Variants in VWC2L observed in about 807,000 individuals in gnomAD.
The protein encoded by VWC2L is von Willebrand factor C domain containing 2 like.
A neutral mutation model predicts 21.6 loss-of-function variants in VWC2L; 10 were observed. The observed-to-expected ratio is 0.46, with a 90% CI of 0.29 to 0.78. The LOEUF (loss-of-function observed/expected upper bound fraction) is 0.78, where lower values mean the gene tolerates loss of function less well. VWC2L is among the 30% of genes least tolerant of loss of function. The pLI is 0.10. For synonymous variants in VWC2L, 96 were observed against 94.3 expected, an observed-to-expected ratio of 1.02 and a Z score of -0.10; for missense variants, 209 against 277.1, an observed-to-expected ratio of 0.75 and a Z score of 1.74.
intron 3 of VWC2L, among the ~76,000 whole-genome samples, chr2:214,481,007 A>T (rs1020307954): frequency 6.6e-6 from 1 of 152,162 alleles, no homozygotes; most frequent in African/African-American, 2.4e-5. Flanking sequence ...ACTGAGCTAA[A>T]GTACTGAGCT....
intron 3 of VWC2L, among the ~76,000 whole-genome samples, chr2:214,444,166 G>A (rs1702803632): frequency 6.6e-6 from 1 of 152,068 alleles, no homozygotes; most frequent in Non-Finnish European, 1.5e-5. Flanking sequence ...CAATGAAGTT[G>A]TACTTCAAAT....
chr2:214,424,300 T>C (rs1399652310), intron 2 of VWC2L, among the ~76,000 whole-genome samples: 3 of 152,192 alleles, frequency 2.0e-5, no homozygotes, highest in Admixed American at 6.5e-5. Flanking sequence ...TGAGAAATGA[T>C]GCATCCTTTA....
chr2:214,555,884 C>T (rs1205503292), intron 3 of VWC2L, among the ~76,000 whole-genome samples: 3 of 152,174 alleles, frequency 2.0e-5, no homozygotes, highest in Non-Finnish European at 4.4e-5. Flanking sequence ...CTCAATCATT[C>T]TCCTACTTGG....
At chr2:214,414,690 C>A in intron 2 of VWC2L, 107 bp downstream of exon 2, 1 of 1,254,974 alleles carries the variant, frequency 8.0e-7, no homozygotes, top group South Asian at 1.5e-5. Context: ...TAAAATTTCC[C>A]TTTAAATTAT....
intron 3 of VWC2L, among the ~76,000 whole-genome samples, chr2:214,506,815 A>G (rs1688973675): frequency 6.6e-6 from 1 of 152,172 alleles, no homozygotes; most frequent in African/African-American, 2.4e-5. Context: ...CTGATGAAAT[A>G]AAGACTTGTG....
At position 214,464,378 on chromosome 2, in the gene VWC2L, C is replaced by T. The variant is rs147831177; in HGVS notation, c.520+27620C>T. 7.8e-4 allele frequency among the ~76,000 whole-genome samples: 118 copies of T among 152,234 alleles called. 2 individuals are homozygous for T. The East Asian group carries it at 0.018, about 23-fold the overall frequency. On this transcript the variant is annotated intron_variant, in intron 3 of 3. Transcript: ENST00000312504. ...GAGGGTACCCCAAGACCAGTAACAC[C>T]GAGACTCTTGTGGACTCATAGAGGT...
intron 3 of VWC2L, among the ~76,000 whole-genome samples, chr2:214,558,804 T>G (rs1325186574): frequency 6.8e-6 from 1 of 146,382 alleles, no homozygotes; most frequent in Non-Finnish European, 1.5e-5. Context: ...AAGTACCAAC[T>G]ATAGTTTTGT....
chr2:214,462,178 G>C (rs1353572521), intron 3 of VWC2L, among the ~76,000 whole-genome samples: 1 of 152,144 alleles, frequency 6.6e-6, no homozygotes, highest in East Asian at 1.9e-4. Context: ...GTGAAACCTA[G>C]AATGATCTTC....
chr2:214,436,421 C>A, intron 2 of VWC2L: 1 of 526,938 alleles, frequency 1.9e-6, no homozygotes, highest in South Asian at 3.0e-5. Flanking sequence ...TTTTCTTGTT[C>A]ACAGCAACCT....
intron 3 of VWC2L, among the ~76,000 whole-genome samples, chr2:214,535,490 G>A (rs1476187590): frequency 1.3e-5 from 2 of 151,286 alleles, no homozygotes; most frequent in African/African-American, 4.9e-5. Flanking sequence ...AATGTGATCT[G>A]AGCTTGGCTC....
chr2:214,479,097 T>C (rs1157573221), intron 3 of VWC2L, among the ~76,000 whole-genome samples: 3 of 152,140 alleles, frequency 2.0e-5, no homozygotes, highest in African/African-American at 4.8e-5. Context: ...TCTAATAACT[T>C]TGATCTTGCA....
intron 3 of VWC2L, among the ~76,000 whole-genome samples, chr2:214,539,383 A>C (rs1249482714): frequency 6.6e-6 from 1 of 152,162 alleles, no homozygotes; most frequent in Non-Finnish European, 1.5e-5. Context: ...ATGCAAATGC[A>C]AAATAAATGC....
chr2:214,518,363 A>G (rs1439929752), intron 3 of VWC2L, among the ~76,000 whole-genome samples: 1 of 152,236 alleles, frequency 6.6e-6, no homozygotes. Context: ...GATAATTTAT[A>G]TAAGGCACTT....
Position 214,578,537 on chromosome 2 carries a change from G to A in VWC2L, c.*2717G>A, listed in dbSNP as rs757975156. The A allele has an allele frequency of 6.6e-6, 1 of 152,164 alleles. No homozygotes were observed. Among genetic ancestry groups the A allele is most frequent in the Non-Finnish European group, 1.5e-5 (1 of 68,036 alleles). The allele number at this position is 152,164 out of a possible 1,614,324, so 9.4% of individuals were successfully genotyped here. ...ACTGACATTTTTCCCCCTTTAGGGA[G>A]AGATGAACCTATACTGTGACAATTT... On this transcript the variant is annotated 3_prime_UTR_variant, in exon 4 of 4. Coordinates refer to ENST00000312504, the MANE Select transcript of VWC2L (RefSeq NM_001080500.4).
intron 3 of VWC2L, among the ~76,000 whole-genome samples, chr2:214,565,926 C>A (rs963177561): frequency 1.3e-5 from 2 of 152,136 alleles, no homozygotes; most frequent in Non-Finnish European, 2.9e-5. Flanking sequence ...AGAACTGAAA[C>A]GTGGACAGTC....
chr2:214,445,570 A>G (rs1416298299), intron 3 of VWC2L, among the ~76,000 whole-genome samples: 2 of 151,694 alleles, frequency 1.3e-5, no homozygotes, highest in Admixed American at 1.3e-4. Context: ...CCCTATTTTT[A>G]CTAAAAAGAA....
At chr2:214,481,521 A>AT (rs1158805958) in intron 3 of VWC2L, among the ~76,000 whole-genome samples, 1 of 152,192 alleles carries the variant, frequency 6.6e-6, no homozygotes, top group African/African-American at 2.4e-5. Context: ...GACCAAAAGA[A>AT]TAACTGTCCA....
chr2:214,428,341 T>C (rs771197255), intron 2 of VWC2L, among the ~76,000 whole-genome samples: 2 of 152,214 alleles, frequency 1.3e-5, no homozygotes, highest in Admixed American at 6.5e-5. Context: ...CAGCAAGCTA[T>C]ATTTCATGCC....
chr2:214,521,768 A>C (rs936285135), intron 3 of VWC2L, among the ~76,000 whole-genome samples: 1 of 152,230 alleles, frequency 6.6e-6, no homozygotes, highest in Admixed American at 6.5e-5. Context: ...GTAACTGCCT[A>C]GCTCAGCACA....
Sources: gnomAD v4.1 joint callset for allele counts (sites outside exome capture counted in the v4.1 genomes callset) on GRCh38, gnomAD v4.1.1 for gene constraint, MANE v1.5 for transcripts, NCBI Gene and HGNC (gene_info 2026-07-23, HGNC 2026-07-21) for gene names.